PALD1: variants seen among roughly 807,000 people sequenced by gnomAD.
PALD1 encodes the protein paladin.
A neutral mutation model predicts 96.0 loss-of-function variants in PALD1; 57 were observed. That is an observed-to-expected ratio of 0.59 (90% CI 0.48 to 0.74). The LOEUF (loss-of-function observed/expected upper bound fraction) is 0.74. Among genes scored for constraint, PALD1 ranks in the 30% least tolerant of loss-of-function variants. The pLI is 0.00. For missense variants in PALD1, 1,063 were observed against 1,143.7 expected (o/e 0.93, Z 1.02); for synonymous variants, 464 against 473.6 (o/e 0.98, Z 0.26).
At chr10:70,552,162 G>A (rs1225756166) in intron 18 of PALD1, among the ~76,000 whole-genome samples, 1 of 152,230 alleles carries the variant, frequency 6.6e-6, no homozygotes, top group Non-Finnish European at 1.5e-5. Context: ...CGTTCTCGTA[G>A]GGCAGAGAGA....
At chr10:70,496,008 C>G (rs1846188849) in intron 1 of PALD1, among the ~76,000 whole-genome samples, 1 of 148,860 alleles carries the variant, frequency 6.7e-6, no homozygotes, top group South Asian at 2.2e-4. Context: ...GAGACTCTAT[C>G]TCAAACAACA....
chr10:70,525,776 C>G, intron 1 of PALD1, 147 bp from the exon 2 acceptor site: 1 of 641,080 alleles, frequency 1.6e-6, no homozygotes. Flanking sequence ...TCTTCTGGGC[C>G]CCACGGTGTA....
intron 1 of PALD1, among the ~76,000 whole-genome samples, chr10:70,493,877 C>T (rs1846141538): frequency 6.6e-6 from 1 of 152,228 alleles, no homozygotes; most frequent in South Asian, 2.1e-4. Flanking sequence ...CCCCAACCAA[C>T]TCTTCTAACA....
chr10:70,525,622 T>C lies in PALD1; in HGVS notation c.-29-301T>C, dbSNP rs547677848. ...CTAGGCCCTGACCTGCTGTGGATGA[T>C]TCACCTCTTTCTGTCTCATTTTCAC... is the stretch of plus-strand genomic sequence containing the variant. On this transcript the variant is annotated intron_variant, in intron 1 of 19. Transcript: ENST00000263563. Among the ~76,000 whole-genome samples, 15 of 152,280 alleles carry C rather than the reference T, an allele frequency of 9.9e-5. No homozygotes were observed. In the South Asian group the frequency reaches 2.9e-3, roughly 29 times the overall value.
intron 1 of PALD1, among the ~76,000 whole-genome samples, chr10:70,501,498 C>T (rs901764244): frequency 7.9e-5 from 12 of 152,158 alleles, no homozygotes; most frequent in Admixed American, 5.2e-4. Context: ...TCCTTCTTAC[C>T]CCACTGGCCA....
At chr10:70,458,530 G>C in the PALD1 span, among the ~76,000 whole-genome samples, 8 of 152,212 alleles carry the variant, frequency 5.3e-5, no homozygotes, top group Non-Finnish European at 8.8e-5. Context: ...AAGAGCAGAC[G>C]GGCTGCGGAG....
intron 1 of PALD1, among the ~76,000 whole-genome samples, chr10:70,501,306 C>T (rs958932576): frequency 2.0e-5 from 3 of 152,144 alleles, no homozygotes; most frequent in African/African-American, 7.2e-5. Flanking sequence ...GGAAGTTTCT[C>T]GGCCTCCCTG....
intron 2 of PALD1, among the ~76,000 whole-genome samples, chr10:70,527,618 C>T (rs974655604): frequency 6.6e-6 from 1 of 152,086 alleles, no homozygotes; most frequent in Non-Finnish European, 1.5e-5. Context: ...AATGGCAACC[C>T]GTGATCTAAT....
At chr10:70,543,594 T>C (rs1348752613) in intron 17 of PALD1, among the ~76,000 whole-genome samples, 4 of 152,230 alleles carry the variant, frequency 2.6e-5, no homozygotes, top group African/African-American at 9.6e-5. Flanking sequence ...TTTATTCTTT[T>C]GCATGTGGAT....
At chr10:70,534,655 TTTCTC>T in intron 9 of PALD1, 79 bp from the exon 10 acceptor site, 1 of 1,196,778 alleles carries the variant, frequency 8.4e-7, no homozygotes, top group Non-Finnish European at 1.2e-6. Flanking sequence ...TTCCCTCTCT[TTTCTC>T]TTTTCTCCTG....
intron 18 of PALD1, among the ~76,000 whole-genome samples, chr10:70,556,279 CCTCTCTCTCTCT>C (rs112574716): frequency 7.8e-6 from 1 of 128,652 alleles, no homozygotes; most frequent in South Asian, 2.5e-4. Context: ...GTAGCCGAGA[CCTCTCTCTCTCT>C]CTCTCTCTCT....
At chr10:70,467,618 A>G in the PALD1 span, among the ~76,000 whole-genome samples, 1 of 152,352 alleles carries the variant, frequency 6.6e-6, no homozygotes, top group East Asian at 1.9e-4. Context: ...GCCGTATACA[A>G]GAGCTCTGGA....
intron 12 of PALD1, 139 bp downstream of exon 12, chr10:70,538,547 CT>C (rs1847162819): frequency 7.7e-6 from 7 of 914,622 alleles, no homozygotes; most frequent in Non-Finnish European, 1.1e-5. Flanking sequence ...TTGGGATCCT[CT>C]TGTGAACAGA....
intron 1 of PALD1, among the ~76,000 whole-genome samples, chr10:70,488,815 T>A (rs1220307270): frequency 6.6e-6 from 1 of 151,750 alleles, no homozygotes; most frequent in Non-Finnish European, 1.5e-5. Flanking sequence ...TCAAAGGGGA[T>A]CAGTCTGTCC....
chr10:70,497,912 T>C (rs1846223900), intron 1 of PALD1, among the ~76,000 whole-genome samples: 1 of 152,180 alleles, frequency 6.6e-6, no homozygotes, highest in Non-Finnish European at 1.5e-5. Context: ...AATTTTCTTT[T>C]ACCATGGTAA....
Position 70,539,227 on chromosome 10 carries a change from G to C in PALD1, c.1705G>C (p.Val569Leu), listed in dbSNP as rs1430402253. 6.2e-7 allele frequency: 1 copy of C among 1,611,214 alleles called. No homozygotes were observed. The change falls in exon 14 of 20, where the codon GTG (valine) becomes CTG (leucine). Residue 569 changes from valine (V) to leucine (L), a missense_variant. Coordinates refer to ENST00000263563, the MANE Select transcript of PALD1 (RefSeq NM_014431.3). The surrounding 1 kb of genome is among the most constrained non-coding windows in gnomAD (Gnocchi z 4.5). ...TYSLRWPGPP[V>L]APDQLETLEA... Reference sequence around the variant, plus strand: ...CAGCCTGCGGTGGCCTGGGCCCCCTGTGGCTCCTGACCAGCTGGAGGTGAG... The same window carrying C: ...CAGCCTGCGGTGGCCTGGGCCCCCTCTGGCTCCTGACCAGCTGGAGGTGAG...
At position 70,529,844 on chromosome 10, in the gene PALD1, C is replaced by T. The variant is rs754322556; in HGVS notation, c.289-45C>T. ...GACAGAGCTCCATCTGCAGAAAATA[C>T]CCCTGAGCCATCTGAGTGACCTTCC... On this transcript the variant is annotated intron_variant, in intron 3 of 19. Coordinates refer to ENST00000263563, the MANE Select transcript of PALD1 (RefSeq NM_014431.3). 1.2e-5 allele frequency: 19 copies of T among 1,576,966 alleles called. No homozygotes were observed. In the East Asian group the frequency reaches 2.7e-4, roughly 22 times the overall value.
intron 1 of PALD1, among the ~76,000 whole-genome samples, chr10:70,480,342 A>G (rs899167216): frequency 7.2e-5 from 11 of 152,288 alleles, no homozygotes; most frequent in Admixed American, 7.2e-4. Flanking sequence ...AGAGGTAAGC[A>G]GGAGGAAGTC....
At chr10:70,497,102 C>T (rs760493543) in intron 1 of PALD1, among the ~76,000 whole-genome samples, 42 of 152,220 alleles carry the variant, frequency 2.8e-4, no homozygotes, top group Non-Finnish European at 4.7e-4. Context: ...GGCTCCAGAG[C>T]GAGTGGCCAG....
Sources: gnomAD v4.1 joint callset for allele counts (sites outside exome capture counted in the v4.1 genomes callset) on GRCh38, gnomAD v4.1.1 for gene constraint, Gnocchi (gnomAD v3.1) non-coding constraint, MANE v1.5 for transcripts, NCBI Gene and HGNC (gene_info 2026-07-23, HGNC 2026-07-21) for gene names.